The following NFE2L3 variants were observed in gnomAD, a reference collection of about 807,000 sequenced individuals.
NFE2L3 encodes the protein nuclear factor erythroid 2-related factor 3.
Under a neutral mutation model 23.5 loss-of-function variants are expected in NFE2L3, and 18 were observed. The observed-to-expected ratio is 0.77, with a 90% CI of 0.53 to 1.13. The LOEUF is 1.13. Among genes scored for constraint, NFE2L3 ranks in the 50% most tolerant of loss-of-function variants. NFE2L3 has a pLI of 0.00. For synonymous variants in NFE2L3, 424 were observed against 354.5 expected (o/e 1.20, Z -2.20); for missense variants, 1,152 against 877.2 (o/e 1.31, Z -3.96).
At chr7:26,172,444 C>T (rs938230047) in intron 1 of NFE2L3, among the ~76,000 whole-genome samples, 3 of 152,178 alleles carry the variant, frequency 2.0e-5, no homozygotes, top group Non-Finnish European at 2.9e-5. Context: ...GTGTATATTT[C>T]CTAAGAACAG....
intron 1 of NFE2L3, among the ~76,000 whole-genome samples, chr7:26,166,135 GC>G (rs1157266443): frequency 3.9e-5 from 4 of 101,986 alleles, no homozygotes; most frequent in African/African-American, 1.8e-4. Context: ...AGCGGGTGGG[GC>G]GGGGGGGAAA....
chr7:26,186,732 A>T lies in NFE2L3; in HGVS notation c.*949A>T, dbSNP rs1782496736. On this transcript the variant is annotated 3_prime_UTR_variant, in exon 4 of 4. Coordinates refer to ENST00000056233, the MANE Select transcript of NFE2L3 (RefSeq NM_004289.7). ...CCATATAAACAGTAGGGAAAGAGTC[A>T]GCAACAGTGAAACCATCTGTTTAAA... 1 of 151,796 alleles carries T rather than the reference A, an allele frequency of 6.6e-6. No homozygotes were observed. Among genetic ancestry groups the T allele is most frequent in the Non-Finnish European group, 1.5e-5 (1 of 67,908 alleles). The allele number at this position is 151,796 out of a possible 1,614,324, so 9.4% of individuals were successfully genotyped here.
Position 26,153,005 on chromosome 7 carries a change from A to G in NFE2L3, c.507A>G (p.Glu169=). ...AARSGPLDAG[E]EEKAPAEPTA... is the part of the protein sequence containing the mutation. ...GGAGTGGCCCCTTGGACGCCGGGGA[A>G]GAGGAGAAGGCACCCGCGGAACCGA... Residue 169 remains glutamate (E), a synonymous_variant, in exon 1 of 4, where the codon GAA becomes GAG. Transcript: ENST00000056233. 6.6e-7 allele frequency: 1 copy of G among 1,522,306 alleles called. No homozygotes were observed. The highest frequency in any genetic ancestry group is 1.2e-5 in the South Asian group (1 of 83,500). The allele number at this position is 1,522,306 out of a possible 1,614,324, so 94.3% of individuals were successfully genotyped here.
intron 1 of NFE2L3, among the ~76,000 whole-genome samples, chr7:26,158,754 T>A (rs1332899253): frequency 6.6e-6 from 1 of 152,202 alleles, no homozygotes; most frequent in East Asian, 1.9e-4. Context: ...AAGCCCTGAC[T>A]TGAGGCAGGC....
At chr7:26,183,286 G>A (rs536788573) in intron 2 of NFE2L3, among the ~76,000 whole-genome samples, 9 of 151,730 alleles carry the variant, frequency 5.9e-5, no homozygotes, top group African/African-American at 2.2e-4. Flanking sequence ...AGTGGCTCAC[G>A]TCTGTAATCC....
chr7:26,169,972 TTCTTCCCCTTCTTAAGAGCTATGCAGTC>T (rs1784312059), intron 1 of NFE2L3, among the ~76,000 whole-genome samples: 1 of 152,166 alleles, frequency 6.6e-6, no homozygotes, highest in Non-Finnish European at 1.5e-5. Context: ...ATGCAGTCTC[TTCTTCCCCTTCTTAAGAGCTATGCAGTC>T]TCTTCCCCTG....
chr7:26,177,857 T>TG lies in NFE2L3; in HGVS notation c.571-85dup. The TG allele has an allele frequency of 3.5e-6, 4 of 1,140,396 alleles. No homozygotes were observed. The Admixed American group carries it at 9.1e-5, about 26-fold the overall frequency. 70.6% of individuals were successfully genotyped at this position (1,140,396 alleles called of 1,614,324 possible). ...GAAATGCCGGTCTTAGCTTTTGACTTGTGGGTTTTCATGGTCCCTGAACAA... is the reference window on the plus strand; with the variant it reads ...GAAATGCCGGTCTTAGCTTTTGACTTGGTGGGTTTTCATGGTCCCTGAACAA... On this transcript the variant is annotated intron_variant, in intron 1 of 3. Transcript: ENST00000056233.
chr7:26,184,309 A>G (rs1259748916), intron 3 of NFE2L3: 1 of 507,720 alleles, frequency 2.0e-6, no homozygotes, highest in East Asian at 3.3e-5. Flanking sequence ...CTTTTATACT[A>G]ATCCATCTTA....
chr7:26,164,752 C>T (rs936667775), intron 1 of NFE2L3, among the ~76,000 whole-genome samples: 14 of 152,128 alleles, frequency 9.2e-5, no homozygotes, highest in Non-Finnish European at 2.1e-4. Flanking sequence ...TCCTGAATGG[C>T]ATTGCCTAGG....
intron 1 of NFE2L3, among the ~76,000 whole-genome samples, chr7:26,176,107 C>T (rs1261778123): frequency 6.6e-6 from 1 of 151,838 alleles, no homozygotes; most frequent in East Asian, 1.9e-4. Flanking sequence ...CAAAGCACAT[C>T]TTGCACCGCC....
chr7:26,177,839 C>G (rs1051190921), intron 1 of NFE2L3, 104 bp from the exon 2 acceptor site: 1 of 945,202 alleles, frequency 1.1e-6, no homozygotes, highest in Non-Finnish European at 1.6e-6. Flanking sequence ...ATTGAAATGC[C>G]GGTCTTAGCT....
intron 2 of NFE2L3, 84 bp downstream of exon 2, chr7:26,178,206 C>A: frequency 8.5e-7 from 1 of 1,174,922 alleles, no homozygotes. Flanking sequence ...CAAGAATGAG[C>A]ATGTAAAACA....
intron 2 of NFE2L3, among the ~76,000 whole-genome samples, chr7:26,180,865 C>CCA (rs2128099939): frequency 6.6e-6 from 1 of 152,288 alleles, no homozygotes; most frequent in African/African-American, 2.4e-5. Flanking sequence ...TCATTCAAAG[C>CCA]CAGGCATTTG....
chr7:26,152,616 A>G lies in NFE2L3; in HGVS notation c.118A>G (p.Thr40Ala), dbSNP rs1196695725. 6.5e-7 allele frequency: 1 copy of G among 1,535,628 alleles called. No homozygotes were observed. The highest frequency in any genetic ancestry group is 8.7e-7 in the Non-Finnish European group (1 of 1,152,426). Reference protein sequence around the residue: ...LDLYLLLPPPTLLQDELLFLG... With the variant: ...LDLYLLLPPPALLQDELLFLG... ...TCTTTACCTGCTGCTGCCGCCGCCCACCCTGCTGCAGGACGAGCTGCTGTT... is the reference window on the plus strand; with the variant it reads ...TCTTTACCTGCTGCTGCCGCCGCCCGCCCTGCTGCAGGACGAGCTGCTGTT... The change falls in exon 1 of 4, where the codon ACC (threonine) becomes GCC (alanine). Residue 40 changes from threonine (T) to alanine (A), a missense_variant. Coordinates refer to ENST00000056233, the MANE Select transcript of NFE2L3 (RefSeq NM_004289.7). The surrounding 1 kb of genome is among the most constrained non-coding windows in gnomAD (Gnocchi z 4.4).
chr7:26,160,061 C>T (rs1433765185), intron 1 of NFE2L3, among the ~76,000 whole-genome samples: 3 of 151,490 alleles, frequency 2.0e-5, no homozygotes, highest in African/African-American at 7.3e-5. Context: ...ACAAGCCATC[C>T]TCCTGCCTTA....
At chr7:26,183,815 G>C (rs764644839) in intron 3 of NFE2L3, 31 bp downstream of exon 3, 15 of 1,407,890 alleles carry the variant, frequency 1.1e-5, no homozygotes, top group Non-Finnish European at 1.5e-5. Flanking sequence ...TATCCTCGCA[G>C]GAACATATCT....
rs11973275 is a variant in NFE2L3 at position 26,163,235 on chromosome 7, T to A, written c.570+10167T>A. Among the ~76,000 whole-genome samples, 634 of 152,314 alleles carry A rather than the reference T, an allele frequency of 4.2e-3. 7 individuals are homozygous for A. Among genetic ancestry groups the A allele is most frequent in the African/African-American group, 0.015 (616 of 41,572 alleles). ...GTTCCTTTCTTACTCTTCCACTACT[T>A]CCATTAACTCAAAACCGTCTGTAAA... On this transcript the variant is annotated intron_variant, in intron 1 of 3. Coordinates refer to ENST00000056233, the MANE Select transcript of NFE2L3 (RefSeq NM_004289.7).
chr7:26,175,603 C>A (rs1324020731), intron 1 of NFE2L3, among the ~76,000 whole-genome samples: 1 of 151,814 alleles, frequency 6.6e-6, no homozygotes, highest in African/African-American at 2.4e-5. Context: ...TGGTGAAACC[C>A]TGTGTCTACT....
intron 2 of NFE2L3, among the ~76,000 whole-genome samples, chr7:26,182,842 G>GAGTGTGGCAGCGCTCCAGCCT (rs1782355001): frequency 6.6e-6 from 1 of 152,170 alleles, no homozygotes; most frequent in African/African-American, 2.4e-5. Context: ...CTGTTAGGCT[G>GAGTGTGGCAGCGCTCCAGCCT]GAGTGTGGCA....
Sources: allele counts gnomAD v4.1 joint callset (sites outside exome capture counted in the v4.1 genomes callset), GRCh38; gene constraint gnomAD v4.1.1; non-coding constraint Gnocchi (gnomAD v3.1); transcripts MANE v1.5; gene names NCBI Gene and HGNC (gene_info 2026-07-23, HGNC 2026-07-21).